The following AFF3 variants were observed in gnomAD, a reference collection of about 807,000 sequenced individuals.
AFF3 encodes the protein ALF transcription elongation factor 3.
Under a neutral mutation model 129.7 loss-of-function variants are expected in AFF3, and 32 were observed. The observed-to-expected ratio is 0.25, with a 90% confidence interval of 0.19 to 0.33. The LOEUF is 0.33. Among genes scored for constraint, AFF3 ranks in the 10% least tolerant of loss-of-function variants. The pLI is 1.00. For missense variants in AFF3, 1,373 were observed against 1,592.0 expected (o/e 0.86, Z 2.34); for synonymous variants, 644 against 635.4 (o/e 1.01, Z -0.20).
chr2:99,984,451 T>C (rs1475956807), intron 7 of AFF3, among the ~76,000 whole-genome samples: 1 of 152,228 alleles, frequency 6.6e-6, no homozygotes, highest in Non-Finnish European at 1.5e-5. Flanking sequence ...AGTCCCCTTC[T>C]GTGGCAGCCT....
chr2:99,814,231 AACCACCACC>A (rs60855066), intron 8 of AFF3, among the ~76,000 whole-genome samples: 4 of 150,938 alleles, frequency 2.7e-5, no homozygotes, highest in African/African-American at 9.7e-5. Flanking sequence ...TAATCACACA[AACCACCACC>A]ACCACCACCA....
chr2:99,957,233 C>T (rs572010649), intron 7 of AFF3, among the ~76,000 whole-genome samples: 8 of 152,030 alleles, frequency 5.3e-5, no homozygotes, highest in Admixed American at 4.6e-4. Flanking sequence ...CAATTAGATA[C>T]CTTATTCAAT....
intron 12 of AFF3, among the ~76,000 whole-genome samples, chr2:99,650,796 ATGTGTGTG>A (rs142082185): frequency 0.045 from 6,507 of 144,796 alleles, 149 homozygotes; most frequent in East Asian, 0.084. Flanking sequence ...ACTAAAATTA[ATGTGTGTG>A]TGTGTGTGTG....
intron 7 of AFF3, among the ~76,000 whole-genome samples, chr2:99,875,391 TTATAACCACTTC>T (rs1430588145): frequency 6.6e-6 from 1 of 152,208 alleles, no homozygotes; most frequent in Non-Finnish European, 1.5e-5. Flanking sequence ...CTGTCACTCT[TTATAACCACTTC>T]TATTTTATTT....
At chr2:99,926,835 T>A (rs1232380341) in intron 7 of AFF3, among the ~76,000 whole-genome samples, 1 of 152,162 alleles carries the variant, frequency 6.6e-6, no homozygotes, top group Non-Finnish European at 1.5e-5. Context: ...CCTCCACTTA[T>A]GTTAACAGAT....
chr2:100,044,034 T>G (rs1344324506), intron 4 of AFF3, among the ~76,000 whole-genome samples: 1 of 152,206 alleles, frequency 6.6e-6, no homozygotes, highest in Non-Finnish European at 1.5e-5. Flanking sequence ...AGCGTCTCCA[T>G]CTCTAGTAAT....
intron 11 of AFF3, among the ~76,000 whole-genome samples, chr2:99,721,845 T>C (rs1444256028): frequency 1.3e-5 from 2 of 152,218 alleles, no homozygotes; most frequent in Non-Finnish European, 2.9e-5. Context: ...TCAGCTATTA[T>C]TCCTTCAGAT....
intron 11 of AFF3, among the ~76,000 whole-genome samples, chr2:99,672,967 T>C (rs1687298702): frequency 6.6e-6 from 1 of 152,158 alleles, no homozygotes; most frequent in Non-Finnish European, 1.5e-5. Context: ...AATATCCTAG[T>C]TACCCTGATT....
At chr2:99,864,411 T>C (rs1007261107) in intron 7 of AFF3, among the ~76,000 whole-genome samples, 7 of 152,246 alleles carry the variant, frequency 4.6e-5, no homozygotes, top group Non-Finnish European at 7.3e-5. Context: ...GTGCCTGCAG[T>C]AGAGCCCCAG....
chr2:99,638,865 A>T (rs1002585801), intron 13 of AFF3, among the ~76,000 whole-genome samples: 1 of 152,222 alleles, frequency 6.6e-6, no homozygotes, highest in Non-Finnish European at 1.5e-5. Context: ...GTTGTTGTGC[A>T]GCCTAGACCA....
At chr2:99,941,233 GA>G (rs948294231) in intron 7 of AFF3, among the ~76,000 whole-genome samples, 11 of 152,114 alleles carry the variant, frequency 7.2e-5, no homozygotes, top group African/African-American at 2.7e-4. Flanking sequence ...CAGTCAGAGA[GA>G]AAAAAAGAAA....
At chr2:99,934,347 T>C (rs539832193) in intron 7 of AFF3, among the ~76,000 whole-genome samples, 67 of 152,312 alleles carry the variant, frequency 4.4e-4, no homozygotes, top group Non-Finnish European at 7.1e-4. Flanking sequence ...ACATGTTCTG[T>C]GAGCTTTCAT....
rs115304659 is a variant in AFF3, at chr2:99,966,337, A to G, written c.873+40295T>C. ...CTGCCTAAAGGGTCATTTGTTATTC[A>G]TGGACAAAAAATAATAATAATAACC... On this transcript the variant is annotated intron_variant, in intron 7 of 24. Coordinates refer to ENST00000672756, the MANE Select transcript of AFF3 (RefSeq NM_001386135.1). Among the ~76,000 whole-genome samples the G allele has an allele frequency of 3.8e-3, 582 of 152,310 alleles. 5 individuals carry two copies. The highest frequency in any genetic ancestry group is 0.013 in the African/African-American group (546 of 41,576).
rs139696825 is a variant in AFF3 at position 99,784,193 on chromosome 2, G to C, written c.922-31892C>G. ...TACAGCATCTGTCAATCAGAACCAA[G>C]CCCAGATAGCCCAGTTACCAGAACT... On this transcript the variant is annotated intron_variant, in intron 8 of 24. Transcript: ENST00000672756. Among the ~76,000 whole-genome samples the C allele has an allele frequency of 2.2e-3, 331 of 152,318 alleles. 1 individual carries two copies. Among genetic ancestry groups the C allele is most frequent in the Non-Finnish European group, 3.6e-3 (247 of 68,024 alleles).
intron 13 of AFF3, among the ~76,000 whole-genome samples, chr2:99,646,366 C>T (rs973702126): frequency 6.6e-6 from 1 of 152,168 alleles, no homozygotes. Flanking sequence ...CCAGTACGGG[C>T]TTTTCTGTCC....
rs1209765733 is a variant in AFF3 at position 99,811,355 on chromosome 2, CAAGT to C, written c.921+26118_921+26121del. Among the ~76,000 whole-genome samples, 3 of 152,082 alleles carry C rather than the reference CAAGT, an allele frequency of 2.0e-5. No homozygotes were observed. The East Asian group carries it at 5.8e-4, about 29-fold the overall frequency. ...AGAACCTCTCAGCTACTTTGCAAGA[CAAGT>C]AAGGAAACTATTATTATCTCTGAAT... On this transcript the variant is annotated intron_variant, in intron 8 of 24. Coordinates refer to ENST00000672756, the MANE Select transcript of AFF3 (RefSeq NM_001386135.1).
chr2:99,754,698 G>A (rs574358303), intron 8 of AFF3, among the ~76,000 whole-genome samples: 9 of 152,178 alleles, frequency 5.9e-5, no homozygotes, highest in East Asian at 3.8e-4. Flanking sequence ...TTAATACACC[G>A]TTTATCCAAG....
intron 9 of AFF3, among the ~76,000 whole-genome samples, chr2:99,746,484 TATTAAAC>T (rs1681168810): frequency 1.3e-5 from 2 of 152,222 alleles, no homozygotes; most frequent in African/African-American, 2.4e-5. Flanking sequence ...ATTCCCACTC[TATTAAAC>T]AGCCTGAGTC....
At chr2:100,105,659 C>A in intron 2 of AFF3, 76 bp from the exon 3 acceptor site, 1 of 1,345,408 alleles carries the variant, frequency 7.4e-7, no homozygotes, top group Non-Finnish European at 9.9e-7. Flanking sequence ...GACAGCTCTT[C>A]CCCCTGGCTT....
Sources: gnomAD v4.1 joint callset for allele counts (sites outside exome capture counted in the v4.1 genomes callset) on GRCh38, gnomAD v4.1.1 for gene constraint, MANE v1.5 for transcripts, NCBI Gene and HGNC (gene_info 2026-07-23, HGNC 2026-07-21) for gene names.